Variants in THSD4 observed in about 807,000 individuals in gnomAD.
The protein encoded by THSD4 is thrombospondin type 1 domain containing 4.
THSD4 carries 69 observed loss-of-function variants against 119.0 expected under a neutral mutation model. The observed-to-expected ratio is 0.58, with a 90% CI of 0.48 to 0.71. The LOEUF is 0.71. THSD4 is among the 30% of genes least tolerant of loss of function. The pLI is 0.00. For missense variants in THSD4, 1,393 were observed against 1,391.1 expected, an observed-to-expected ratio of 1.00 and a Z score of -0.02; for synonymous variants, 524 against 540.4, an observed-to-expected ratio of 0.97 and a Z score of 0.42.
intron 6 of THSD4, among the ~76,000 whole-genome samples, chr15:71,270,421 T>C (rs530735960): frequency 1.0e-3 from 152 of 152,286 alleles, no homozygotes; most frequent in African/African-American, 3.5e-3. Flanking sequence ...AAATTGGACC[T>C]CTTACTTACA....
intron 17 of THSD4, among the ~76,000 whole-genome samples, chr15:71,773,080 G>A (rs1040179354): frequency 2.0e-5 from 3 of 151,660 alleles, no homozygotes; most frequent in African/African-American, 7.3e-5. Context: ...GCATGCCCAT[G>A]GTCCCGGCTA....
At chr15:71,582,846 C>G (rs2049586571) in intron 7 of THSD4, among the ~76,000 whole-genome samples, 1 of 152,044 alleles carries the variant, frequency 6.6e-6, no homozygotes, top group Non-Finnish European at 1.5e-5. Context: ...GATTGTAGTA[C>G]ATGTTCCTTT....
intron 7 of THSD4, among the ~76,000 whole-genome samples, chr15:71,511,881 G>T (rs2048289104): frequency 6.6e-6 from 1 of 152,158 alleles, no homozygotes; most frequent in Admixed American, 6.5e-5. Flanking sequence ...CACAGAGACG[G>T]TGTCGGGAAT....
chr15:71,447,637 G>T lies in THSD4; in HGVS notation c.1152+35814G>T, dbSNP rs184501277. 5.4e-3 allele frequency among the ~76,000 whole-genome samples: 821 copies of T among 152,334 alleles called. 6 individuals are homozygous for T. Among genetic ancestry groups the T allele is most frequent in the Middle Eastern group, 0.014 (4 of 294 alleles). On this transcript the variant is annotated intron_variant, in intron 7 of 17. Coordinates refer to ENST00000261862, the MANE Select transcript of THSD4 (RefSeq NM_024817.3). The stretch of plus-strand genomic sequence containing the variant: ...TACTGGCACATAGCTACAGGCATAT[G>T]TGCTAATATTTGTTGAATATAAAAA...
chr15:71,528,040 G>T (rs2048552367), intron 7 of THSD4, among the ~76,000 whole-genome samples: 2 of 152,098 alleles, frequency 1.3e-5, no homozygotes, highest in Admixed American at 6.6e-5. Flanking sequence ...TGTCTTGCCT[G>T]ATATATCCTA....
intron 7 of THSD4, among the ~76,000 whole-genome samples, chr15:71,635,253 C>T (rs2050717256): frequency 1.3e-5 from 2 of 152,114 alleles, no homozygotes; most frequent in Non-Finnish European, 2.9e-5. Context: ...GTGGCACTTA[C>T]CTTGACTTCC....
At chr15:71,646,595 T>C (rs1398380634) in intron 7 of THSD4, among the ~76,000 whole-genome samples, 2 of 152,236 alleles carry the variant, frequency 1.3e-5, no homozygotes, top group African/African-American at 4.8e-5. Flanking sequence ...ATAATATGCA[T>C]TGAGTTCCTT....
intron 7 of THSD4, among the ~76,000 whole-genome samples, chr15:71,647,521 TAGAAG>T (rs1423332923): frequency 2.6e-5 from 4 of 152,228 alleles, no homozygotes; most frequent in African/African-American, 9.6e-5. Context: ...TATCTATGGT[TAGAAG>T]AGAGAATAAT....
chr15:71,564,694 G>GTATAT (rs1567039201), intron 7 of THSD4, among the ~76,000 whole-genome samples: 205 of 15,344 alleles, frequency 0.013, 15 homozygotes, highest in Non-Finnish European at 0.025. Context: ...ACAATATATA[G>GTATAT]TATAACATAT....
chr15:71,349,750 G>A (rs142009714), intron 6 of THSD4, among the ~76,000 whole-genome samples: 8 of 152,164 alleles, frequency 5.3e-5, no homozygotes, highest in Admixed American at 4.6e-4. Context: ...TGGAGAAATG[G>A]GATGAGGCTG....
intron 7 of THSD4, among the ~76,000 whole-genome samples, chr15:71,434,489 T>G (rs1429858288): frequency 7.1e-6 from 1 of 140,506 alleles, no homozygotes; most frequent in Non-Finnish European, 1.5e-5. Flanking sequence ...TAAGGATTGA[T>G]AGAAGTCTCC....
chr15:71,502,646 C>T (rs879592879), intron 7 of THSD4, among the ~76,000 whole-genome samples: 14 of 152,000 alleles, frequency 9.2e-5, no homozygotes, highest in Non-Finnish European at 1.8e-4. Flanking sequence ...ATAAAAGACG[C>T]AAAACAGTTG....
chr15:71,248,047 AG>A (rs1188379433), intron 5 of THSD4, among the ~76,000 whole-genome samples: 3 of 152,118 alleles, frequency 2.0e-5, no homozygotes, highest in Admixed American at 6.6e-5. Flanking sequence ...CCCTGGTGGG[AG>A]GATTGCTTGA....
intron 7 of THSD4, among the ~76,000 whole-genome samples, chr15:71,429,148 A>G (rs1416689899): frequency 1.3e-5 from 2 of 152,232 alleles, no homozygotes; most frequent in African/African-American, 4.8e-5. Flanking sequence ...GGCATACGAC[A>G]TTTATTGTAA....
At chr15:71,617,716 C>A (rs966420645) in intron 7 of THSD4, among the ~76,000 whole-genome samples, 2 of 152,196 alleles carry the variant, frequency 1.3e-5, no homozygotes. Context: ...CAGTGAGCCA[C>A]CCCCGGAGGT....
At chr15:71,388,722 A>G (rs2046327556) in intron 6 of THSD4, among the ~76,000 whole-genome samples, 1 of 151,110 alleles carries the variant, frequency 6.6e-6, no homozygotes, top group South Asian at 2.1e-4. Context: ...GGATGTTTGT[A>G]TGGACTCAGG....
intron 7 of THSD4, among the ~76,000 whole-genome samples, chr15:71,488,942 C>A (rs951239971): frequency 1.3e-5 from 2 of 152,052 alleles, no homozygotes; most frequent in African/African-American, 4.8e-5. Context: ...CAGTTTATTT[C>A]TTTTCTCTTT....
intron 1 of THSD4, among the ~76,000 whole-genome samples, chr15:71,140,450 A>C (rs1268531243): frequency 1.3e-5 from 2 of 152,138 alleles, no homozygotes; most frequent in African/African-American, 4.8e-5. Flanking sequence ...CAAGGAGGGC[A>C]TCAGGGCATT....
intron 6 of THSD4, among the ~76,000 whole-genome samples, chr15:71,294,939 A>C (rs2044842476): frequency 6.6e-6 from 1 of 151,408 alleles, no homozygotes; most frequent in African/African-American, 2.4e-5. Flanking sequence ...AAAAAAAAAA[A>C]AATACAGTCT....
Sources: allele counts gnomAD v4.1 joint callset (sites outside exome capture counted in the v4.1 genomes callset), GRCh38; gene constraint gnomAD v4.1.1; transcripts MANE v1.5; gene names NCBI Gene and HGNC (gene_info 2026-07-23, HGNC 2026-07-21).